The following MYOM2 variants were observed in gnomAD, a reference collection of about 807,000 sequenced individuals.
MYOM2 encodes the protein myomesin 2, also known as myomesin-2.
MYOM2 carries 254 observed loss-of-function variants against 187.6 expected under a neutral mutation model. The observed-to-expected ratio is 1.35, with a 90% CI of 1.22 to 1.50. The LOEUF is 1.50. Among genes scored for constraint, MYOM2 ranks in the 40% most tolerant of loss-of-function variants. The pLI, the probability that MYOM2 is intolerant of heterozygous loss-of-function variation, is 0.00. For synonymous variants in MYOM2, 981 were observed against 753.8 expected, an observed-to-expected ratio of 1.30 and a Z score of -4.94; for missense variants, 2,796 against 1,924.0, an observed-to-expected ratio of 1.45 and a Z score of -8.48.
intron 23 of MYOM2, among the ~76,000 whole-genome samples, 191 bp downstream of exon 23, chr8:2,106,788 A>C (rs1159254460): frequency 6.6e-6 from 1 of 152,236 alleles, no homozygotes; most frequent in Non-Finnish European, 1.5e-5. Flanking sequence ...TACTGTTTCC[A>C]CCAAGTAGTC....
Position 2,123,893 on chromosome 8 carries a change from C to T in MYOM2, c.3655+251C>T, listed in dbSNP as rs959063220. Among the ~76,000 whole-genome samples the T allele has an allele frequency of 2.6e-5, 4 of 152,178 alleles. No individual in the cohort carries two copies. The South Asian group carries it at 6.2e-4, about 24-fold the overall frequency. ...CGGTCCATCATCAGAAGCCAAGCAA[C>T]GCATTACTAATGCAGTTAAAATGAT... is the stretch of plus-strand genomic sequence containing the variant. On this transcript the variant is annotated intron_variant, in intron 30 of 36. Transcript: ENST00000262113.
Position 2,143,570 on chromosome 8 carries a change from C to T in MYOM2, c.4080+114C>T, listed in dbSNP as rs1318761802. 8 of 1,303,230 alleles carry T rather than the reference C, an allele frequency of 6.1e-6. No individual in the cohort carries two copies. In the Admixed American group the frequency reaches 1.3e-4, roughly 21 times the overall value. 80.7% of individuals were successfully genotyped at this position (1,303,230 alleles called of 1,614,324 possible). ...AGTGAGGGGCTTCTGTGTCCTCACTCAGCCTGCAGGGAACCCAGAGTCCCC... is the reference window on the plus strand; with the variant it reads ...AGTGAGGGGCTTCTGTGTCCTCACTTAGCCTGCAGGGAACCCAGAGTCCCC... On this transcript the variant is annotated intron_variant, in intron 36 of 36. Transcript: ENST00000262113.
intron 32 of MYOM2, among the ~76,000 whole-genome samples, chr8:2,132,303 T>C (rs1263113146): frequency 2.7e-5 from 4 of 147,756 alleles, no homozygotes; most frequent in Non-Finnish European, 4.4e-5. Context: ...AATGCGGACG[T>C]AAGCAAAGAC....
At chr8:2,129,628 C>G (rs568418357) in intron 32 of MYOM2, among the ~76,000 whole-genome samples, 2 of 152,276 alleles carry the variant, frequency 1.3e-5, no homozygotes, top group South Asian at 4.1e-4. Context: ...AGTACCAAAA[C>G]AAGCCCAATC....
rs139319077 is a variant in MYOM2, at chr8:2,057,748, C to A, written c.528C>A (p.Thr176=). Residue 176 remains threonine (T), a synonymous_variant, in exon 5 of 37, where the codon ACC becomes ACA. Transcript: ENST00000262113. ...GGATGTCTGTGAAACTCTGCTTCAC[C>A]GTGCAAGGATTTCCCACGCCCGTGG... The part of the protein sequence containing the change: ...WERMSVKLCF[T]VQGFPTPVVQ... 39 of 1,613,950 alleles carry A rather than the reference C, an allele frequency of 2.4e-5. No individual in the cohort carries two copies. Among genetic ancestry groups the A allele is most frequent in the Non-Finnish European group, 2.9e-5 (34 of 1,180,020 alleles).
At chr8:2,137,055 A>G (rs1436967704) in intron 32 of MYOM2, among the ~76,000 whole-genome samples, 1 of 151,780 alleles carries the variant, frequency 6.6e-6, no homozygotes. Context: ...AAGAATTTCT[A>G]GTCTCTCTCT....
intron 10 of MYOM2, among the ~76,000 whole-genome samples, chr8:2,074,456 T>A (rs1168864875): frequency 6.6e-6 from 1 of 151,994 alleles, no homozygotes; most frequent in Non-Finnish European, 1.5e-5. Flanking sequence ...TCCTCCTTTT[T>A]TTTTAGTTTT....
intron 32 of MYOM2, among the ~76,000 whole-genome samples, chr8:2,134,255 C>A (rs910263822): frequency 6.6e-6 from 1 of 152,038 alleles, no homozygotes; most frequent in Non-Finnish European, 1.5e-5. Flanking sequence ...TCAGGCTCTC[C>A]TCGTCTCTCT....
intron 28 of MYOM2, 117 bp from the exon 29 acceptor site, chr8:2,123,135 T>G (rs534407232): frequency 1.6e-6 from 1 of 625,232 alleles, no homozygotes; most frequent in East Asian, 2.8e-5. Flanking sequence ...AGACTGTCTA[T>G]AGTAAAAACT....
chr8:2,086,908 G>A (rs1796111226), intron 14 of MYOM2, among the ~76,000 whole-genome samples: 1 of 152,180 alleles, frequency 6.6e-6, no homozygotes, highest in East Asian at 1.9e-4. Flanking sequence ...ACGCAGAAGG[G>A]TTAGACTCGC....
chr8:2,061,596 CCAGCTCCT>C lies in MYOM2; in HGVS notation c.653+2353_653+2360del, dbSNP rs1818853558. 2.6e-5 allele frequency among the ~76,000 whole-genome samples: 4 copies of C among 152,108 alleles called. No homozygotes were observed. The South Asian group carries it at 8.3e-4, about 32-fold the overall frequency. ...GCCCCTCCCCGAGTCAGGGGGTCCA[CCAGCTCCT>C]CTGTGTGTGGGACTCCCTCCTGCTT... On this transcript the variant is annotated intron_variant, in intron 6 of 36. Transcript: ENST00000262113.
chr8:2,098,668 C>T lies in MYOM2; in HGVS notation c.2314-189C>T, dbSNP rs145627379. ...CACTTTGGGGATTGAGTGAAGGACA[C>T]GTAAGGTTTCATGCGGCTGCAGCTC... On this transcript the variant is annotated intron_variant, in intron 18 of 36. Transcript: ENST00000262113. 3.8e-3 allele frequency among the ~76,000 whole-genome samples: 582 copies of T among 152,270 alleles called. 7 individuals are homozygous for T. Among genetic ancestry groups the T allele is most frequent in the Middle Eastern group, 6.8e-3 (2 of 294 alleles).
At chr8:2,059,491 A>G (rs1367770660) in intron 6 of MYOM2, among the ~76,000 whole-genome samples, 1 of 152,166 alleles carries the variant, frequency 6.6e-6, no homozygotes. Context: ...GGGAAAGGTA[A>G]TGGCATCTGG....
intron 31 of MYOM2, among the ~76,000 whole-genome samples, chr8:2,124,752 GTTTTATC>G (rs1341558361): frequency 3.3e-5 from 5 of 151,970 alleles, no homozygotes; most frequent in African/African-American, 7.3e-5. Context: ...GCTTGCCAGT[GTTTTATC>G]TTTTGTCTTT....
rs1268505840 is a variant in MYOM2, at chr8:2,085,389, A to G, written c.1643A>G (p.Lys548Arg). The G allele has an allele frequency of 1.1e-5, 17 of 1,607,882 alleles. 1 individual carries two copies. The highest frequency in any genetic ancestry group is 1.4e-5 in the Non-Finnish European group (17 of 1,177,762). Residue 548 changes from lysine to arginine, a missense_variant and splice_region_variant, in exon 14 of 37, where the codon AAG becomes AGG. Coordinates refer to ENST00000262113, the MANE Select transcript of MYOM2 (RefSeq NM_003970.4). ...GACCCGCTCATGTACTTCATTGAGA[A>G]GGTAAACTCCGGGCCCGTGTCCTGG... ...GKDPLMYFIE[K>R]SVVGSGSWQR...
At chr8:2,101,599 C>T (rs749614505) in intron 20 of MYOM2, among the ~76,000 whole-genome samples, 1 of 152,172 alleles carries the variant, frequency 6.6e-6, no homozygotes, top group Non-Finnish European at 1.5e-5. Context: ...CTTCCATTCA[C>T]ACCAACATGC....
In MYOM2 at chr8:2,098,833, T is replaced by A. The variant is rs116282117; in HGVS notation, c.2314-24T>A. 2,074 of 1,596,862 alleles carry A rather than the reference T, an allele frequency of 1.3e-3. 25 individuals carry two copies. In the African/African-American group the frequency reaches 0.026, roughly 20 times the overall value. ...TGTAAGGCATCCTTTATCTCATGTA[T>A]TAATTTAAACAAAATCTGAATAGGT... On this transcript the variant is annotated intron_variant, in intron 18 of 36. Coordinates refer to ENST00000262113, the MANE Select transcript of MYOM2 (RefSeq NM_003970.4).
At chr8:2,081,102 G>A (rs112475537) in intron 13 of MYOM2, among the ~76,000 whole-genome samples, 3 of 130,384 alleles carry the variant, frequency 2.3e-5, no homozygotes, top group Non-Finnish European at 4.7e-5. Context: ...AGCCCAGCCC[G>A]TGTAGAATGA....
At chr8:2,079,726 A>C in intron 13 of MYOM2, 113 bp downstream of exon 13, 1 of 1,169,508 alleles carries the variant, frequency 8.6e-7, no homozygotes, top group Non-Finnish European at 1.3e-6. Flanking sequence ...CTCTGCATGG[A>C]AAAATGAAAA....
Sources: allele counts gnomAD v4.1 joint callset (sites outside exome capture counted in the v4.1 genomes callset), GRCh38; gene constraint gnomAD v4.1.1; transcripts MANE v1.5; gene names NCBI Gene and HGNC (gene_info 2026-07-23, HGNC 2026-07-21).